TMEM168: variants seen among roughly 807,000 people sequenced by gnomAD.
TMEM168 encodes transmembrane protein 168.
In TMEM168, 40 loss-of-function variants were observed where a neutral mutation model predicts 53.2. The ratio of observed to expected loss-of-function variants is 0.75; its 90% CI spans 0.58 to 0.98. The LOEUF is 0.98. Ranked by LOEUF, TMEM168 falls within the 50% of genes least tolerant of loss-of-function variation. The probability of loss-of-function intolerance (pLI) is 0.00; values close to 1 mark genes in which losing one functional copy is unlikely to be tolerated. For synonymous variants in TMEM168, 282 were observed against 293.0 expected (o/e 0.96, Z 0.38); for missense variants, 771 against 828.8 (o/e 0.93, Z 0.86).
chr7:112,774,980 T>G lies in TMEM168; in HGVS notation c.1271+196A>C, dbSNP rs541269453. 1.1e-4 allele frequency among the ~76,000 whole-genome samples: 17 copies of G among 152,310 alleles called. No individual in the cohort carries two copies. The East Asian group carries it at 3.3e-3, about 29-fold the overall frequency. Reference sequence around the variant, plus strand: ...CTGGTTTCTAGCTAAAATATAAGCTTATCATATTTATCAAAATATTTCAAT... The same window carrying G: ...CTGGTTTCTAGCTAAAATATAAGCTGATCATATTTATCAAAATATTTCAAT... On this transcript the variant is annotated intron_variant, in intron 3 of 4. Transcript: ENST00000312814.
intron 1 of TMEM168, among the ~76,000 whole-genome samples, chr7:112,789,842 C>T (rs572039010): frequency 1.3e-5 from 2 of 152,252 alleles, no homozygotes; most frequent in Admixed American, 6.5e-5. Flanking sequence ...GCAGCAACAG[C>T]AATTTCTCTC....
At chr7:112,778,681 AAATG>A (rs1793154153) in intron 2 of TMEM168, 2 of 152,224 alleles carry the variant, frequency 1.3e-5, no homozygotes, top group African/African-American at 4.8e-5. Context: ...TAGATGACTT[AAATG>A]AAAAGCCTAA....
At chr7:112,771,309 T>C (rs1223935177) in intron 4 of TMEM168, among the ~76,000 whole-genome samples, 1 of 152,072 alleles carries the variant, frequency 6.6e-6, no homozygotes, top group Non-Finnish European at 1.5e-5. Context: ...GGGGGAAAAA[T>C]ACACTTTAGG....
chr7:112,788,578 C>G (rs1584456561), intron 1 of TMEM168: 2 of 152,306 alleles, frequency 1.3e-5, no homozygotes, highest in East Asian at 3.9e-4. Context: ...ACATTACATT[C>G]CTTTTCAATC....
intron 2 of TMEM168, among the ~76,000 whole-genome samples, chr7:112,783,188 C>G (rs1257991692): frequency 3.3e-5 from 5 of 152,146 alleles, no homozygotes; most frequent in African/African-American, 9.7e-5. Context: ...AATTAAGAAC[C>G]TGCTATGTTG....
intron 2 of TMEM168, among the ~76,000 whole-genome samples, chr7:112,775,657 C>T (rs1356134729): frequency 1.3e-5 from 2 of 150,450 alleles, no homozygotes; most frequent in Non-Finnish European, 3.0e-5. Context: ...AGAGAAAATG[C>T]CAGAAAACAA....
intron 1 of TMEM168, 70 bp from the exon 2 acceptor site, chr7:112,785,023 A>G: frequency 2.4e-6 from 1 of 420,002 alleles, no homozygotes; most frequent in Non-Finnish European, 4.0e-6. Context: ...ATAAAGATGC[A>G]TATAGAAAGT....
intron 4 of TMEM168, among the ~76,000 whole-genome samples, chr7:112,771,856 G>GAA (rs374546674): frequency 1.3e-5 from 2 of 148,790 alleles, no homozygotes; most frequent in Non-Finnish European, 3.0e-5. Context: ...CACTTTTATG[G>GAA]AAAAAAAAAT....
chr7:112,774,359 ATTTTTTTTT>A (rs558123531), intron 3 of TMEM168, among the ~76,000 whole-genome samples: 1 of 94,258 alleles, frequency 1.1e-5, no homozygotes, highest in African/African-American at 3.9e-5. Context: ...GTGTTTTTAC[ATTTTTTTTT>A]TTTTTTTTTT....
chr7:112,780,183 T>C lies in TMEM168; in HGVS notation c.1128+3515A>G, dbSNP rs560725506. ...TCAATCCCAGCTCAGCCACTTGCTA[T>C]GTGTACACGAATAAGTTAATTAACC... is the stretch of plus-strand genomic sequence containing the variant. On this transcript the variant is annotated intron_variant, in intron 2 of 4. Transcript: ENST00000312814. Among the ~76,000 whole-genome samples the C allele has an allele frequency of 8.5e-5, 13 of 152,372 alleles. No individual in the cohort carries two copies. The South Asian group carries it at 2.7e-3, about 32-fold the overall frequency.
chr7:112,772,877 A>C lies in TMEM168; in HGVS notation c.1450T>G (p.Phe484Val), dbSNP rs141642192. 1.9e-5 allele frequency: 31 copies of C among 1,614,014 alleles called. No individual in the cohort carries two copies. The highest frequency in any genetic ancestry group is 2.5e-5 in the Non-Finnish European group (30 of 1,179,992). Reference protein sequence around the residue: ...FDTLHSKLKAFLELRTVDGPR... With the variant: ...FDTLHSKLKAVLELRTVDGPR... ...CCATCCACTGTCCGAAGTTCGAGGA[A>C]AGCTTTTAGTTTGGAATGCAGAGTA... Residue 484 changes from phenylalanine to valine, a missense_variant, in exon 4 of 5, where the codon TTC becomes GTC. By Grantham distance (50) the Phe-to-Val change is conservative (BLOSUM62 -1). Transcript: ENST00000312814.
At chr7:112,789,437 TAAC>T (rs1223023053) in intron 1 of TMEM168, among the ~76,000 whole-genome samples, 4 of 152,194 alleles carry the variant, frequency 2.6e-5, no homozygotes, top group Non-Finnish European at 5.9e-5. Context: ...TAACTACATT[TAAC>T]AACAATAGTC....
Position 112,774,359 on chromosome 7 carries a change from ATT to A in TMEM168, c.1271+815_1271+816del, listed in dbSNP as rs558123531. ...TTTTCAGTGTGCAGAGTGTTTTTACATTTTTTTTTTTTTTTTTTTTTTTTTTA... is the reference window on the plus strand; with the variant it reads ...TTTTCAGTGTGCAGAGTGTTTTTACATTTTTTTTTTTTTTTTTTTTTTTTA... On this transcript the variant is annotated intron_variant, in intron 3 of 4. Coordinates refer to ENST00000312814, the MANE Select transcript of TMEM168 (RefSeq NM_022484.6). Among the ~76,000 whole-genome samples, 742 of 94,256 alleles carry A rather than the reference ATT, an allele frequency of 7.9e-3. 3 individuals are homozygous for A. Among genetic ancestry groups the A allele is most frequent in the African/African-American group, 0.027 (684 of 25,622 alleles). 61.8% of individuals were successfully genotyped at this position (94,256 alleles called of 152,430 possible). A position where few individuals can be genotyped will look rare whatever the true frequency, so the allele number is the denominator to read the frequency against.
chr7:112,784,704 C>A lies in TMEM168; in HGVS notation c.122G>T (p.Arg41Ile). ...GCATATAGCAACCAATAAATTGATT[C>A]TGGCTAAATAGCCAAGATACCGCAC... ...SSVRYLGYLA[R>I]INLLVAICLG... Residue 41 changes from arginine (R) to isoleucine (I), a missense_variant, in exon 2 of 5, where the codon AGA (arginine) becomes ATA (isoleucine). Physicochemically the swap from Arg to Ile is moderately conservative, Grantham distance 97 (BLOSUM62 -3). Coordinates refer to ENST00000312814, the MANE Select transcript of TMEM168 (RefSeq NM_022484.6). The A allele has an allele frequency of 6.2e-7, 1 of 1,613,992 alleles. No individual in the cohort carries two copies. Among genetic ancestry groups the A allele is most frequent in the South Asian group, 1.1e-5 (1 of 91,032 alleles).
In TMEM168 at chr7:112,767,620, C is replaced by T. The variant is rs372804627; in HGVS notation, c.1671G>A (p.Arg557=). The T allele has an allele frequency of 4.6e-5, 74 of 1,613,918 alleles. No homozygotes were observed. The highest frequency in any genetic ancestry group is 1.3e-4 in the Admixed American group (8 of 59,980). The change falls in exon 5 of 5, where the codon AGG becomes AGA. Residue 557 remains arginine (R), a synonymous_variant. Coordinates refer to ENST00000312814, the MANE Select transcript of TMEM168 (RefSeq NM_022484.6). Reference sequence around the variant, plus strand: ...CTGCAATATACTGGTCATTAATTTTCCTCACTTCTTTCACCCAAGGGGTTG... The same window carrying T: ...CTGCAATATACTGGTCATTAATTTTTCTCACTTCTTTCACCCAAGGGGTTG... ...ENSTPWVKEV[R]KINDQYIAVQ...
intron 2 of TMEM168, among the ~76,000 whole-genome samples, chr7:112,780,956 A>C (rs533826330): frequency 5.3e-5 from 8 of 151,728 alleles, no homozygotes; most frequent in South Asian, 2.1e-4. Flanking sequence ...AAAAAAAAAA[A>C]AAAAAAAAAC....
intron 1 of TMEM168, among the ~76,000 whole-genome samples, chr7:112,787,359 A>G (rs1793410408): frequency 6.7e-6 from 1 of 148,190 alleles, no homozygotes. Context: ...CTTTTCACTC[A>G]GTATCCTGCA....
chr7:112,776,573 T>C (rs1793089699), intron 2 of TMEM168, among the ~76,000 whole-genome samples: 2 of 152,064 alleles, frequency 1.3e-5, no homozygotes, highest in Non-Finnish European at 2.9e-5. Flanking sequence ...TGGTACATCC[T>C]ATTTTGTCAA....
intron 1 of TMEM168, among the ~76,000 whole-genome samples, chr7:112,789,776 G>A (rs1793493672): frequency 6.6e-6 from 1 of 152,172 alleles, no homozygotes; most frequent in South Asian, 2.1e-4. Context: ...ATAACTCTTT[G>A]AGCCATCTCA....
Sources: gnomAD v4.1 joint callset for allele counts (sites outside exome capture counted in the v4.1 genomes callset) on GRCh38, gnomAD v4.1.1 for gene constraint, MANE v1.5 for transcripts, NCBI Gene and HGNC (gene_info 2026-07-23, HGNC 2026-07-21) for gene names.